The following RPTOR variants were observed in gnomAD, a reference collection of about 807,000 sequenced individuals.
The protein encoded by RPTOR is regulatory-associated protein of mTOR.
RPTOR carries 21 observed loss-of-function variants against 169.9 expected under a neutral mutation model. The observed-to-expected ratio is 0.12, with a 90% confidence interval of 0.09 to 0.18. The LOEUF is 0.18. RPTOR is among the 10% of genes least tolerant of loss of function. The pLI, the probability that RPTOR is intolerant of heterozygous loss-of-function variation, is 1.00. For missense variants in RPTOR, 1,133 were observed against 1,855.9 expected (o/e 0.61, Z 7.16); for synonymous variants, 732 against 753.2 (o/e 0.97, Z 0.46).
At chr17:80,929,777 G>A (rs997131938) in intron 24 of RPTOR, among the ~76,000 whole-genome samples, 2 of 152,194 alleles carry the variant, frequency 1.3e-5, no homozygotes, top group Non-Finnish European at 1.5e-5. Context: ...CAGCACTGGG[G>A]TTGCCCTGCC....
intron 5 of RPTOR, among the ~76,000 whole-genome samples, chr17:80,731,749 C>G (rs1427480679): frequency 6.6e-6 from 1 of 152,154 alleles, no homozygotes. Flanking sequence ...TATGTTTCCT[C>G]AAGCCTTTTT....
chr17:80,831,403 G>A (rs527821199), intron 9 of RPTOR, among the ~76,000 whole-genome samples: 5 of 152,290 alleles, frequency 3.3e-5, no homozygotes, highest in Middle Eastern at 3.4e-3. Context: ...TGTCCTAGGC[G>A]TGTTAACATT....
rs1414582111 is a variant in RPTOR, at chr17:80,726,020, G to A, written c.508-4540G>A. 6.6e-6 allele frequency among the ~76,000 whole-genome samples: 1 copy of A among 152,178 alleles called. No homozygotes were observed. Among genetic ancestry groups the A allele is most frequent in the African/African-American group, 2.4e-5 (1 of 41,434 alleles). The stretch of plus-strand genomic sequence containing the variant: ...TGTGGGGGTGGCTGGGTGGTGCTGC[G>A]GAAGATTGTGTGGTGCACAGGGCAG... On this transcript the variant is annotated intron_variant, in intron 4 of 33. Transcript: ENST00000306801. The surrounding 1 kb of genome is among the most constrained non-coding windows in gnomAD (Gnocchi z 4.5).
intron 1 of RPTOR, among the ~76,000 whole-genome samples, chr17:80,598,398 A>G (rs1030457209): frequency 1.3e-5 from 2 of 152,202 alleles, no homozygotes; most frequent in African/African-American, 4.8e-5. Context: ...TTTCAGGGCA[A>G]TTCATGGATG....
intron 1 of RPTOR, among the ~76,000 whole-genome samples, chr17:80,586,975 A>G (rs958028513): frequency 7.9e-5 from 12 of 152,356 alleles, no homozygotes; most frequent in Admixed American, 4.6e-4. Flanking sequence ...GGATGAACAC[A>G]CGAGCCGGTC....
chr17:80,734,320 C>T (rs1437256691), intron 5 of RPTOR, among the ~76,000 whole-genome samples: 1 of 152,188 alleles, frequency 6.6e-6, no homozygotes, highest in Non-Finnish European at 1.5e-5. Context: ...CTGTGGCCTG[C>T]TCCCCGGCGT....
At chr17:80,712,449 G>A (rs1339511654) in intron 4 of RPTOR, among the ~76,000 whole-genome samples, 1 of 152,142 alleles carries the variant, frequency 6.6e-6, no homozygotes, top group African/African-American at 2.4e-5. Context: ...AGGCTTCTCT[G>A]ACTCAGTAAT....
In RPTOR at chr17:80,925,491, G is replaced by C; in HGVS notation, c.2919+11G>C. ...CAGCCCGTCATGAAGGTGCGCCCGGGGTGTGGGGTTCAGAGTAGAGTCCTA... is the reference window on the plus strand; with the variant it reads ...CAGCCCGTCATGAAGGTGCGCCCGGCGTGTGGGGTTCAGAGTAGAGTCCTA... On this transcript the variant is annotated intron_variant, in intron 24 of 33. Transcript: ENST00000306801. 1 of 1,606,600 alleles carries C rather than the reference G, an allele frequency of 6.2e-7. No individual in the cohort carries two copies. The highest frequency in any genetic ancestry group is 1.7e-4 in the Middle Eastern group (1 of 6,048).
intron 12 of RPTOR, 114 bp downstream of exon 12, chr17:80,855,661 C>A: frequency 2.5e-6 from 2 of 810,572 alleles, no homozygotes; most frequent in Admixed American, 1.9e-5. Context: ...GCCGTGAGAC[C>A]CAGGGCGAGT....
At chr17:80,578,169 C>T (rs1387356961) in intron 1 of RPTOR, among the ~76,000 whole-genome samples, 1 of 152,108 alleles carries the variant, frequency 6.6e-6, no homozygotes, top group Non-Finnish European at 1.5e-5. Context: ...AGTCAGGGAG[C>T]TGGGTTGTTT....
intron 3 of RPTOR, among the ~76,000 whole-genome samples, chr17:80,669,825 T>C (rs992368145): frequency 3.9e-5 from 6 of 152,262 alleles, no homozygotes; most frequent in Non-Finnish European, 7.3e-5. Flanking sequence ...CCTTCCTTTT[T>C]TTCCTGATAC....
intron 1 of RPTOR, among the ~76,000 whole-genome samples, chr17:80,579,403 G>C (rs1027754914): frequency 3.3e-5 from 5 of 152,160 alleles, no homozygotes; most frequent in Non-Finnish European, 7.3e-5. Context: ...TGTTGGTCAG[G>C]CTGGTTTCGA....
At chr17:80,962,655 C>T in intron 32 of RPTOR, 78 bp downstream of exon 32, 1 of 1,354,792 alleles carries the variant, frequency 7.4e-7, no homozygotes, top group Non-Finnish European at 1.0e-6. Flanking sequence ...TCTTGTGTTC[C>T]TGCCCCCAGG....
intron 5 of RPTOR, among the ~76,000 whole-genome samples, chr17:80,739,627 C>CAG (rs2066465793): frequency 1.3e-5 from 2 of 151,952 alleles, no homozygotes; most frequent in African/African-American, 4.8e-5. Flanking sequence ...TGTTCTTTAA[C>CAG]CACAAGAGAA....
At chr17:80,781,414 C>T (rs563748783) in intron 6 of RPTOR, among the ~76,000 whole-genome samples, 2 of 152,170 alleles carry the variant, frequency 1.3e-5, no homozygotes, top group South Asian at 2.1e-4. Context: ...CCCTTCTTCC[C>T]GGAGGGTACC....
intron 7 of RPTOR, among the ~76,000 whole-genome samples, chr17:80,811,633 G>A (rs1439608402): frequency 1.1e-4 from 15 of 136,548 alleles, no homozygotes; most frequent in East Asian, 7.3e-4. Flanking sequence ...ACACAGCCAC[G>A]CCCTCTCCAA....
intron 13 of RPTOR, among the ~76,000 whole-genome samples, chr17:80,868,656 ACACAAAGGCTT>A (rs1390278106): frequency 6.6e-6 from 1 of 152,240 alleles, no homozygotes; most frequent in African/African-American, 2.4e-5. Flanking sequence ...AAGCATGTCC[ACACAAAGGCTT>A]GTACATGAAT....
chr17:80,744,277 TTACTAGCACTGTCCTGGC>T (rs1961258522), intron 5 of RPTOR, among the ~76,000 whole-genome samples: 1 of 3,130 alleles, frequency 3.2e-4, no homozygotes, highest in Admixed American at 3.8e-3. Flanking sequence ...ACAGCCCTGG[TTACTAGCACTGTCCTGGC>T]TACTAGCACA....
At chr17:80,871,127 A>G (rs1295839168) in intron 13 of RPTOR, among the ~76,000 whole-genome samples, 1 of 151,798 alleles carries the variant, frequency 6.6e-6, no homozygotes, top group Non-Finnish European at 1.5e-5. Flanking sequence ...TTCGTTTGAG[A>G]CGGAGTCTCA....
Sources: allele counts gnomAD v4.1 joint callset (sites outside exome capture counted in the v4.1 genomes callset), GRCh38; gene constraint gnomAD v4.1.1; non-coding constraint Gnocchi (gnomAD v3.1); transcripts MANE v1.5; gene names NCBI Gene and HGNC (gene_info 2026-07-23, HGNC 2026-07-21).